Variants in WWOX observed in about 807,000 individuals in gnomAD.
WWOX encodes the protein WW domain-containing oxidoreductase.
Under a neutral mutation model 46.2 loss-of-function variants are expected in WWOX, and 69 were observed. That is an observed-to-expected ratio of 1.49 (90% CI 1.23 to 1.82). The LOEUF (loss-of-function observed/expected upper bound fraction) is 1.82. Ranked by LOEUF, WWOX falls within the 40% of genes most tolerant of loss-of-function variation. The pLI is 0.00. For missense variants in WWOX, 919 were observed against 542.6 expected (o/e 1.69, Z -6.89); for synonymous variants, 359 against 202.6 (o/e 1.77, Z -6.56).
At chr16:79,164,900 A>G (rs1223222671) in intron 8 of WWOX, among the ~76,000 whole-genome samples, 1 of 152,096 alleles carries the variant, frequency 6.6e-6, no homozygotes, top group East Asian at 1.9e-4. Flanking sequence ...GCAAACCCAC[A>G]CACCACAGAG....
At chr16:78,654,852 G>A (rs114495662) in intron 8 of WWOX, among the ~76,000 whole-genome samples, 6 of 151,744 alleles carry the variant, frequency 4.0e-5, no homozygotes, top group South Asian at 2.1e-4. Context: ...GTAAGGTCCC[G>A]TCAATGCAGC....
intron 8 of WWOX, among the ~76,000 whole-genome samples, chr16:78,791,299 T>A (rs780049499): frequency 1.3e-5 from 2 of 152,152 alleles, no homozygotes; most frequent in Non-Finnish European, 2.9e-5. Context: ...TGTCTGGTGA[T>A]GTGCTGGGTG....
chr16:78,374,978 G>A (rs369134787), intron 5 of WWOX, among the ~76,000 whole-genome samples: 56 of 152,108 alleles, frequency 3.7e-4, no homozygotes, highest in African/African-American at 1.2e-3. Context: ...GAGCCACTGC[G>A]CCTGTCTACA....
chr16:78,233,455 G>C (rs1021292380), intron 5 of WWOX, among the ~76,000 whole-genome samples: 1 of 151,526 alleles, frequency 6.6e-6, no homozygotes, highest in South Asian at 2.1e-4. Flanking sequence ...CTCCCTGGGT[G>C]TATTTCGCTG....
intron 8 of WWOX, among the ~76,000 whole-genome samples, chr16:79,165,588 T>C (rs1055817080): frequency 6.6e-6 from 1 of 152,206 alleles, no homozygotes; most frequent in African/African-American, 2.4e-5. Context: ...GTTCCCTCTT[T>C]GCTAGTTCAG....
chr16:78,513,257 C>T (rs1038749076), intron 8 of WWOX, among the ~76,000 whole-genome samples: 1 of 152,132 alleles, frequency 6.6e-6, no homozygotes, highest in African/African-American at 2.4e-5. Flanking sequence ...ATTATCTCTT[C>T]TATGTAAGTA....
At chr16:78,286,732 C>A (rs1359182822) in intron 5 of WWOX, among the ~76,000 whole-genome samples, 1 of 152,094 alleles carries the variant, frequency 6.6e-6, no homozygotes, top group Non-Finnish European at 1.5e-5. Context: ...AATCCACAAA[C>A]AGCTTCTTCT....
chr16:79,193,626 T>C (rs2051180730), intron 8 of WWOX, among the ~76,000 whole-genome samples: 1 of 152,178 alleles, frequency 6.6e-6, no homozygotes, highest in African/African-American at 2.4e-5. Flanking sequence ...TTAAAAATAT[T>C]GCAAATTGAC....
At chr16:79,050,495 C>A (rs1265250159) in intron 8 of WWOX, among the ~76,000 whole-genome samples, 1 of 152,190 alleles carries the variant, frequency 6.6e-6, no homozygotes, top group Admixed American at 6.5e-5. Context: ...CTGTCACACA[C>A]TGATGCCCCA....
rs2052275375 is a variant in WWOX, at chr16:78,845,512, A to G, written c.1057-366096A>G. On this transcript the variant is annotated intron_variant, in intron 8 of 8. Transcript: ENST00000566780. ...TTTTACAGGCTTAGCATAATATTTT[A>G]TAAAACATATTTTTAAAGAAAGTGT... 1.3e-5 allele frequency among the ~76,000 whole-genome samples: 2 copies of G among 152,198 alleles called. 1 individual carries two copies. Among genetic ancestry groups the G allele is most frequent in the South Asian group, 4.1e-4 (2 of 4,832 alleles).
At chr16:78,819,553 C>T (rs975447353) in intron 8 of WWOX, among the ~76,000 whole-genome samples, 3 of 152,216 alleles carry the variant, frequency 2.0e-5, no homozygotes, top group African/African-American at 4.8e-5. Flanking sequence ...AGAACTGCCT[C>T]GGAATTGCCA....
chr16:78,573,064 G>A (rs558371368), intron 8 of WWOX, among the ~76,000 whole-genome samples: 29 of 152,292 alleles, frequency 1.9e-4, no homozygotes, highest in African/African-American at 6.5e-4. Context: ...AAGGCAGGCG[G>A]ATCACGAGGT....
chr16:78,315,946 G>T (rs2080348565), intron 5 of WWOX, among the ~76,000 whole-genome samples: 1 of 152,024 alleles, frequency 6.6e-6, no homozygotes, highest in Non-Finnish European at 1.5e-5. Flanking sequence ...TTTTGTTTTT[G>T]TTGTAAGTGG....
chr16:78,874,676 A>ATTT lies in WWOX; in HGVS notation c.1057-336927_1057-336925dup, dbSNP rs1452846030. ...CTTCAACTGTGTCTGTGACCAGAAG[A>ATTT]TTTTTTTCTTTTTTTTTTTTTTTTT... On this transcript the variant is annotated intron_variant, in intron 8 of 8. Coordinates refer to ENST00000566780, the MANE Select transcript of WWOX (RefSeq NM_016373.4). Among the ~76,000 whole-genome samples, 5 of 89,550 alleles carry ATTT rather than the reference A, an allele frequency of 5.6e-5. No individual in the cohort carries two copies. The South Asian group carries it at 1.1e-3, about 20-fold the overall frequency. The allele number at this position is 89,550 out of a possible 152,430, so 58.7% of individuals were successfully genotyped here.
chr16:78,735,419 AC>A (rs1461377434), intron 8 of WWOX, among the ~76,000 whole-genome samples: 2 of 151,216 alleles, frequency 1.3e-5, no homozygotes, highest in African/African-American at 2.5e-5. Flanking sequence ...ACACACACAC[AC>A]ACACACTAAT....
intron 8 of WWOX, among the ~76,000 whole-genome samples, chr16:78,567,482 G>T (rs1031101434): frequency 6.6e-6 from 1 of 150,564 alleles, no homozygotes; most frequent in Non-Finnish European, 1.5e-5. Context: ...GAACCCGGGA[G>T]GCGGAGCTTG....
Position 78,817,770 on chromosome 16 carries a change from G to A in WWOX, c.1056+385018G>A, listed in dbSNP as rs137903339. ...GCCCTTTCTCTTCCCCTGAGATTGC[G>A]CCTCCTCACCCTCTGTCTTGGATGG... On this transcript the variant is annotated intron_variant, in intron 8 of 8. Coordinates refer to ENST00000566780, the MANE Select transcript of WWOX (RefSeq NM_016373.4). Among the ~76,000 whole-genome samples, 55 of 152,204 alleles carry A rather than the reference G, an allele frequency of 3.6e-4. No individual in the cohort carries two copies. The East Asian group carries it at 8.7e-3, about 24-fold the overall frequency.
At chr16:78,808,238 A>G (rs1056767723) in intron 8 of WWOX, among the ~76,000 whole-genome samples, 7 of 152,054 alleles carry the variant, frequency 4.6e-5, no homozygotes, top group Admixed American at 4.6e-4. Context: ...GGGACCCTGA[A>G]CCTCTAGTCC....
intron 4 of WWOX, among the ~76,000 whole-genome samples, chr16:78,152,313 C>T (rs981151926): frequency 6.6e-6 from 1 of 152,050 alleles, no homozygotes; most frequent in Admixed American, 6.5e-5. Flanking sequence ...TTTATATAAC[C>T]TAATTGATAA....
Sources: gnomAD v4.1 joint callset for allele counts (sites outside exome capture counted in the v4.1 genomes callset) on GRCh38, gnomAD v4.1.1 for gene constraint, MANE v1.5 for transcripts, NCBI Gene and HGNC (gene_info 2026-07-23, HGNC 2026-07-21) for gene names.